The following PRR5L variants were observed in gnomAD, a reference collection of about 807,000 sequenced individuals.
PRR5L encodes the protein proline rich 5 like, also known as proline-rich protein 5-like.
Under a neutral mutation model 36.4 loss-of-function variants are expected in PRR5L, and 21 were observed. That is an observed-to-expected ratio of 0.58 (90% CI 0.41 to 0.83). The LOEUF (loss-of-function observed/expected upper bound fraction) is 0.83. PRR5L is among the 40% of genes least tolerant of loss of function. The probability of loss-of-function intolerance (pLI) is 0.00; values close to 1 mark genes in which losing one functional copy is unlikely to be tolerated. For missense variants in PRR5L, 381 were observed against 473.3 expected, an observed-to-expected ratio of 0.80 and a Z score of 1.81; for synonymous variants, 188 against 197.0, an observed-to-expected ratio of 0.95 and a Z score of 0.38.
intron 3 of PRR5L, among the ~76,000 whole-genome samples, chr11:36,404,268 C>CTT (rs869208636): frequency 1.7e-4 from 17 of 97,964 alleles, no homozygotes; most frequent in South Asian, 9.6e-4. Context: ...TCCATCAGGT[C>CTT]TTTTTTTTTT....
chr11:36,419,643 G>T (rs1372623193), intron 4 of PRR5L, among the ~76,000 whole-genome samples: 1 of 152,182 alleles, frequency 6.6e-6, no homozygotes, highest in East Asian at 1.9e-4. Flanking sequence ...TAAGTAATAA[G>T]CCTATTACAT....
intron 1 of PRR5L, among the ~76,000 whole-genome samples, chr11:36,317,184 C>T (rs1037391055): frequency 3.9e-4 from 59 of 152,178 alleles, no homozygotes; most frequent in African/African-American, 1.3e-3. Flanking sequence ...CTCTCTTCTC[C>T]GCCTTTACAG....
At chr11:36,345,179 G>A (rs1856852428) in intron 1 of PRR5L, among the ~76,000 whole-genome samples, 1 of 152,112 alleles carries the variant, frequency 6.6e-6, no homozygotes, top group Non-Finnish European at 1.5e-5. Context: ...TGAGGGCTAG[G>A]AAGTCAGTTT....
chr11:36,402,565 T>C (rs968171430), intron 2 of PRR5L, among the ~76,000 whole-genome samples: 37 of 152,172 alleles, frequency 2.4e-4, no homozygotes, highest in Non-Finnish European at 1.3e-4. Flanking sequence ...TTTAAATGAA[T>C]GGACACAGAA....
At chr11:36,315,018 C>A (rs997645875) in intron 1 of PRR5L, among the ~76,000 whole-genome samples, 3 of 152,142 alleles carry the variant, frequency 2.0e-5, no homozygotes, top group African/African-American at 7.2e-5. Flanking sequence ...ATAGCAGAAT[C>A]CTTCATCTAA....
intron 1 of PRR5L, among the ~76,000 whole-genome samples, chr11:36,325,536 A>C (rs1856653446): frequency 6.6e-6 from 1 of 152,214 alleles, no homozygotes; most frequent in East Asian, 1.9e-4. Flanking sequence ...TTATATCCTG[A>C]TCATTGTCCC....
intron 1 of PRR5L, among the ~76,000 whole-genome samples, chr11:36,386,258 C>G (rs1857454568): frequency 6.6e-6 from 1 of 151,898 alleles, no homozygotes; most frequent in South Asian, 2.1e-4. Context: ...CATACTCCAG[C>G]CTGGGTGACA....
At chr11:36,412,313 G>A (rs1430878545) in intron 3 of PRR5L, among the ~76,000 whole-genome samples, 2 of 152,156 alleles carry the variant, frequency 1.3e-5, no homozygotes, top group African/African-American at 4.8e-5. Flanking sequence ...CTACATTGTT[G>A]ACAGTGGTGT....
At chr11:36,389,551 G>T (rs1313761124) in intron 1 of PRR5L, among the ~76,000 whole-genome samples, 1 of 151,348 alleles carries the variant, frequency 6.6e-6, no homozygotes, top group Non-Finnish European at 1.5e-5. Context: ...GTAGAGGCTG[G>T]ATTTGAAGCC....
At chr11:36,303,680 AGTGATGTGAC>A (rs1856400583) in intron 1 of PRR5L, among the ~76,000 whole-genome samples, 1 of 152,200 alleles carries the variant, frequency 6.6e-6, no homozygotes, top group South Asian at 2.1e-4. Flanking sequence ...ATTAGCCTTG[AGTGATGTGAC>A]GTATGCACCT....
At chr11:36,436,971 T>C (rs180712144) in intron 5 of PRR5L, among the ~76,000 whole-genome samples, 210 of 152,350 alleles carry the variant, frequency 1.4e-3, no homozygotes, top group Non-Finnish European at 1.2e-3. Flanking sequence ...ATATTTTCAG[T>C]TGAGTTCTCC....
intron 1 of PRR5L, among the ~76,000 whole-genome samples, chr11:36,318,867 T>C (rs1406118026): frequency 6.6e-6 from 1 of 152,118 alleles, no homozygotes; most frequent in Non-Finnish European, 1.5e-5. Context: ...ATGTGGCAAA[T>C]GTCAGAGGCT....
intron 3 of PRR5L, among the ~76,000 whole-genome samples, chr11:36,407,478 G>C (rs1378171547): frequency 1.3e-5 from 2 of 152,238 alleles, no homozygotes; most frequent in Non-Finnish European, 2.9e-5. Flanking sequence ...TCCTCAAAGA[G>C]TGGTGCCTGG....
Position 36,448,299 on chromosome 11 carries a change from C to T in PRR5L, c.585+1859C>T, listed in dbSNP as rs150012411. Among the ~76,000 whole-genome samples the T allele has an allele frequency of 2.3e-3, 343 of 152,224 alleles. 1 individual carries two copies. The highest frequency in any genetic ancestry group is 7.9e-3 in the African/African-American group (330 of 41,540). ...CCACCCCCATTTGCTCTCCATGGGA[C>T]GGCCTCAAACTCTTCAGTGGTTTCC... On this transcript the variant is annotated intron_variant, in intron 7 of 8. Coordinates refer to ENST00000530639, the MANE Select transcript of PRR5L (RefSeq NM_001160167.2).
intron 1 of PRR5L, among the ~76,000 whole-genome samples, chr11:36,306,419 C>CT (rs1856432635): frequency 2.6e-5 from 4 of 152,170 alleles, no homozygotes; most frequent in African/African-American, 9.7e-5. Flanking sequence ...TGAACTCATC[C>CT]TTTTTTATGG....
chr11:36,360,958 C>T (rs1397758269), intron 1 of PRR5L, among the ~76,000 whole-genome samples: 1 of 152,178 alleles, frequency 6.6e-6, no homozygotes, highest in Non-Finnish European at 1.5e-5. Flanking sequence ...TGTGAAGTCA[C>T]GCAGGGCCCC....
intron 1 of PRR5L, among the ~76,000 whole-genome samples, chr11:36,324,410 T>C (rs1357876429): frequency 6.6e-6 from 1 of 152,208 alleles, no homozygotes; most frequent in East Asian, 1.9e-4. Context: ...TGGAAATGTA[T>C]GTAAGAAAAC....
chr11:36,351,597 ATATAAATATATATT>A (rs1439830412), intron 1 of PRR5L, among the ~76,000 whole-genome samples: 2 of 10,186 alleles, frequency 2.0e-4, no homozygotes, highest in Non-Finnish European at 3.4e-4. Flanking sequence ...TTATATATTT[ATATAAATATATATT>A]TATATATTTA....
chr11:36,349,074 C>T (rs1386784986), intron 1 of PRR5L, among the ~76,000 whole-genome samples: 1 of 151,966 alleles, frequency 6.6e-6, no homozygotes, highest in African/African-American at 2.4e-5. Flanking sequence ...CACTTGAGGC[C>T]GGGAGTTCAA....
Sources: allele counts gnomAD v4.1 joint callset (sites outside exome capture counted in the v4.1 genomes callset), GRCh38; gene constraint gnomAD v4.1.1; transcripts MANE v1.5; gene names NCBI Gene and HGNC (gene_info 2026-07-23, HGNC 2026-07-21).